LOXHD1: variants seen among roughly 807,000 people sequenced by gnomAD.
LOXHD1 encodes lipoxygenase homology PLAT domains 1, also known as lipoxygenase homology domain-containing protein 1.
A neutral mutation model predicts 248.2 loss-of-function variants in LOXHD1; 205 were observed. The observed-to-expected ratio is 0.83, with a 90% CI of 0.74 to 0.93. The LOEUF (loss-of-function observed/expected upper bound fraction) is 0.93. Ranked by LOEUF, LOXHD1 falls within the 40% of genes least tolerant of loss-of-function variation. The pLI, the probability that LOXHD1 is intolerant of heterozygous loss-of-function variation, is 0.00. For missense variants in LOXHD1, 2,930 were observed against 2,971.6 expected, an observed-to-expected ratio of 0.99 and a Z score of 0.33; for synonymous variants, 1,113 against 1,162.8, an observed-to-expected ratio of 0.96 and a Z score of 0.87.
chr18:46,534,831 A>G (rs1465862599), intron 26 of LOXHD1, among the ~76,000 whole-genome samples: 1 of 152,158 alleles, frequency 6.6e-6, no homozygotes, highest in Non-Finnish European at 1.5e-5. Context: ...TGTCTTGCCA[A>G]GTGGACTTAT....
intron 7 of LOXHD1, chr18:46,601,761 G>A (rs2038344137): frequency 2.4e-6 from 1 of 408,498 alleles, no homozygotes. Flanking sequence ...GAGGAACTCG[G>A]GTTGGCTAAG....
intron 29 of LOXHD1, among the ~76,000 whole-genome samples, chr18:46,527,470 T>C (rs1390727465): frequency 6.6e-6 from 1 of 152,194 alleles, no homozygotes; most frequent in African/African-American, 2.4e-5. Context: ...ACCTTCACAG[T>C]AACTCAAAAT....
intron 8 of LOXHD1, among the ~76,000 whole-genome samples, chr18:46,595,577 T>C (rs1201459288): frequency 1.3e-5 from 2 of 152,168 alleles, no homozygotes; most frequent in African/African-American, 2.4e-5. Flanking sequence ...TGACACTAAT[T>C]GTCAGTTTGG....
chr18:46,568,606 C>T (rs779915284), intron 16 of LOXHD1, among the ~76,000 whole-genome samples: 15 of 152,148 alleles, frequency 9.9e-5, no homozygotes, highest in Non-Finnish European at 2.1e-4. Context: ...GGATAAGACC[C>T]TCATGCCATA....
intron 12 of LOXHD1, among the ~76,000 whole-genome samples, chr18:46,581,319 G>A (rs2037957406): frequency 6.6e-6 from 1 of 152,176 alleles, no homozygotes; most frequent in South Asian, 2.1e-4. Flanking sequence ...GATCAGATAG[G>A]TAACTGCAGA....
intron 27 of LOXHD1, chr18:46,533,694 C>A: frequency 3.1e-6 from 1 of 327,112 alleles, no homozygotes; most frequent in South Asian, 2.5e-5. Context: ...GAGGCCAAGG[C>A]GGGTGGATTA....
intron 22 of LOXHD1, among the ~76,000 whole-genome samples, chr18:46,546,298 C>T (rs1164998549): frequency 1.3e-5 from 2 of 152,116 alleles, no homozygotes; most frequent in Non-Finnish European, 2.9e-5. Context: ...CACTCTACTC[C>T]ATTCCATTCT....
At position 46,601,618 on chromosome 18, in the gene LOXHD1, C is replaced by G. The variant is rs1599041150; in HGVS notation, c.884-151G>C. 5.9e-6 allele frequency: 6 copies of G among 1,021,526 alleles called. 1 individual carries two copies. Among genetic ancestry groups the G allele is most frequent in the Non-Finnish European group, 8.8e-6 (6 of 678,464 alleles). 63.3% of individuals were successfully genotyped at this position (1,021,526 alleles called of 1,614,324 possible). On this transcript the variant is annotated intron_variant, in intron 7 of 40. Transcript: ENST00000642948. ...TCATGTCCTACTCCTCCAGATGCCA[C>G]CTAATGTCCCTCTCGACCTCATTTC...
rs964818492 is a variant in LOXHD1 at position 46,657,100 on chromosome 18, T to C, written c.-67A>G. On this transcript the variant is annotated 5_prime_UTR_variant, in exon 1 of 41. Coordinates refer to ENST00000642948, the MANE Select transcript of LOXHD1 (RefSeq NM_001384474.1). Reference sequence around the variant, plus strand: ...CCGCCTCCTCACACCTGCGGGAACCTGAGACCTCCTCCCTGAGCTCTGGCG... The same window carrying C: ...CCGCCTCCTCACACCTGCGGGAACCCGAGACCTCCTCCCTGAGCTCTGGCG... The C allele has an allele frequency of 1.2e-5, 18 of 1,549,596 alleles. No homozygotes were observed. The highest frequency in any genetic ancestry group is 1.5e-5 in the Non-Finnish European group (17 of 1,146,128).
intron 11 of LOXHD1, 54 bp from the exon 12 acceptor site, chr18:46,592,122 GC>G: frequency 6.5e-7 from 1 of 1,547,998 alleles, no homozygotes; most frequent in African/African-American, 1.4e-5. Context: ...GTTCACCGAT[GC>G]CCTGCAGTCC....
intron 21 of LOXHD1, among the ~76,000 whole-genome samples, chr18:46,549,520 C>G (rs1388285751): frequency 6.6e-6 from 1 of 152,084 alleles, no homozygotes; most frequent in African/African-American, 2.4e-5. Context: ...ATTTGTTTCC[C>G]TCCTCTGCCC....
intron 12 of LOXHD1, among the ~76,000 whole-genome samples, chr18:46,580,311 C>T (rs2037939155): frequency 6.6e-6 from 1 of 152,200 alleles, no homozygotes; most frequent in South Asian, 2.1e-4. Context: ...TCTATGTGTT[C>T]TCAAGAAAGA....
intron 1 of LOXHD1, 121 bp from the exon 2 acceptor site, chr18:46,649,390 C>T: frequency 1.3e-6 from 1 of 772,394 alleles, no homozygotes; most frequent in Non-Finnish European, 2.1e-6. Context: ...GGAATCCCTG[C>T]TGCATCCTGT....
At chr18:46,610,684 G>A in intron 6 of LOXHD1, 92 bp downstream of exon 6, 2 of 1,403,870 alleles carry the variant, frequency 1.4e-6, no homozygotes, top group South Asian at 1.6e-5. Flanking sequence ...TGGACCTAGA[G>A]AGGAAAGTTG....
chr18:46,560,055 C>CGGCG, intron 19 of LOXHD1, 28 bp downstream of exon 19: 2 of 1,087,682 alleles, frequency 1.8e-6, no homozygotes, highest in Non-Finnish European at 2.6e-6. Context: ...CACTCCCTCC[C>CGGCG]CACCCCCACC....
At chr18:46,647,369 T>C (rs1301408525) in intron 2 of LOXHD1, among the ~76,000 whole-genome samples, 1 of 151,776 alleles carries the variant, frequency 6.6e-6, no homozygotes, top group Admixed American at 6.6e-5. Flanking sequence ...TTTTGACAAA[T>C]GAAAAAGGGG....
intron 21 of LOXHD1, among the ~76,000 whole-genome samples, chr18:46,555,955 C>T (rs1015342183): frequency 2.6e-5 from 4 of 152,076 alleles, no homozygotes; most frequent in Admixed American, 6.5e-5. Context: ...CAGGCCCAAT[C>T]GGGCCTACCC....
At chr18:46,618,368 A>C (rs908528429) in intron 4 of LOXHD1, 78 bp from the exon 5 acceptor site, 4 of 880,336 alleles carry the variant, frequency 4.5e-6, no homozygotes, top group Non-Finnish European at 7.3e-6. Flanking sequence ...TAGCTACCAC[A>C]CCATCTACAC....
At chr18:46,560,048 T>TCCCGGGCCCCCC in intron 19 of LOXHD1, 35 bp downstream of exon 19, 2 of 1,226,296 alleles carry the variant, frequency 1.6e-6, no homozygotes, top group Non-Finnish European at 2.3e-6. Context: ...GTCTGGCCAC[T>TCCCGGGCCCCCC]CCCTCCCCAC....
Sources: gnomAD v4.1 joint callset for allele counts (sites outside exome capture counted in the v4.1 genomes callset) on GRCh38, gnomAD v4.1.1 for gene constraint, MANE v1.5 for transcripts, NCBI Gene and HGNC (gene_info 2026-07-23, HGNC 2026-07-21) for gene names.